The following SOX6 variants were observed in gnomAD, a reference collection of about 807,000 sequenced individuals.
SOX6 encodes SRY-box transcription factor 6.
In SOX6, 11 loss-of-function variants were observed where a neutral mutation model predicts 97.8. That is an observed-to-expected ratio of 0.11 (90% CI 0.07 to 0.19). The LOEUF is 0.19. Among genes scored for constraint, SOX6 ranks in the 10% least tolerant of loss-of-function variants. The pLI is 1.00. For missense variants in SOX6, 810 were observed against 1,039.5 expected (o/e 0.78, Z 3.04); for synonymous variants, 360 against 371.4 (o/e 0.97, Z 0.35).
intron 3 of SOX6, among the ~76,000 whole-genome samples, chr11:16,694,411 TA>T (rs1848037794): frequency 1.3e-5 from 2 of 152,098 alleles, no homozygotes; most frequent in African/African-American, 4.8e-5. Context: ...TAGCCCCAGC[TA>T]TTCAGGAGGC....
intron 1 of SOX6, among the ~76,000 whole-genome samples, chr11:16,403,464 A>G (rs745805487): frequency 2.6e-5 from 4 of 151,772 alleles, no homozygotes; most frequent in Non-Finnish European, 4.4e-5. Context: ...TAAAAGTAAC[A>G]TAAAAGGCGA....
chr11:16,639,023 C>T (rs563166322), intron 3 of SOX6, among the ~76,000 whole-genome samples: 4 of 152,118 alleles, frequency 2.6e-5, no homozygotes, highest in African/African-American at 7.2e-5. Flanking sequence ...GTATTGCCTA[C>T]GTTTTCTTCT....
chr11:16,431,048 G>C (rs1859263448), intron 1 of SOX6, among the ~76,000 whole-genome samples: 2 of 152,090 alleles, frequency 1.3e-5, no homozygotes. Flanking sequence ...CTCTATGTCA[G>C]GATACTGGTT....
At chr11:16,409,281 C>T (rs1201269625) in intron 1 of SOX6, among the ~76,000 whole-genome samples, 1 of 81,776 alleles carries the variant, frequency 1.2e-5, no homozygotes, top group African/African-American at 4.8e-5. Flanking sequence ...AGTCCCCTAA[C>T]CCCCCTCCAA....
At chr11:16,166,236 A>C (rs1033041059) in intron 6 of SOX6, among the ~76,000 whole-genome samples, 1 of 152,232 alleles carries the variant, frequency 6.6e-6, no homozygotes, top group African/African-American at 2.4e-5. Flanking sequence ...GGAATTTAAC[A>C]GCTGATTAAT....
chr11:16,251,287 G>A (rs993239901), intron 3 of SOX6, among the ~76,000 whole-genome samples: 3 of 152,012 alleles, frequency 2.0e-5, no homozygotes, highest in Non-Finnish European at 2.9e-5. Flanking sequence ...CAGTGAAATA[G>A]AAACTGTAGT....
chr11:16,037,513 G>C (rs1019084367), intron 12 of SOX6, among the ~76,000 whole-genome samples: 2 of 152,176 alleles, frequency 1.3e-5, no homozygotes, highest in East Asian at 1.9e-4. Context: ...TGGGAATGCT[G>C]CAAGAGAAGA....
At position 16,318,657 on chromosome 11, in the gene SOX6, G is replaced by A; in HGVS notation, c.238-4C>T. 1 of 1,609,254 alleles carries A rather than the reference G, an allele frequency of 6.2e-7. No individual in the cohort carries two copies. Among genetic ancestry groups the A allele is most frequent in the Non-Finnish European group, 8.5e-7 (1 of 1,176,350 alleles). On this transcript the variant is annotated splice_polypyrimidine_tract_variant and splice_region_variant and intron_variant, in intron 2 of 15. Coordinates refer to ENST00000683767, the MANE Select transcript of SOX6 (RefSeq NM_001367873.1). Reference sequence around the variant, plus strand: ...ATAACTTATTATTCTCTGATTCCTAGAAAAATAAAATAAAATAAAACCATT... The same window carrying A: ...ATAACTTATTATTCTCTGATTCCTAAAAAAATAAAATAAAATAAAACCATT...
chr11:16,062,913 G>A (rs190006685), intron 9 of SOX6, among the ~76,000 whole-genome samples: 3 of 151,766 alleles, frequency 2.0e-5, no homozygotes, highest in East Asian at 1.9e-4. Flanking sequence ...TTCTGCCAAC[G>A]AGCTAAGATC....
In SOX6 at chr11:15,979,042, CATATATATAT is replaced by C. The variant is rs57062569; in HGVS notation, c.2184-5940_2184-5931del. ...AACTGCTTATTTTATATATATTTTA[CATATATATAT>C]ATATATATATATAAAACTGCTTATT... On this transcript the variant is annotated intron_variant, in intron 15 of 15. Transcript: ENST00000683767. 4.9e-3 allele frequency among the ~76,000 whole-genome samples: 521 copies of C among 107,104 alleles called. 11 individuals are homozygous for C. The highest frequency in any genetic ancestry group is 0.018 in the African/African-American group (504 of 27,456). 70.3% of individuals were successfully genotyped at this position (107,104 alleles called of 152,430 possible).
At chr11:16,590,881 A>C (rs1398040404) in intron 4 of SOX6, among the ~76,000 whole-genome samples, 1 of 152,178 alleles carries the variant, frequency 6.6e-6, no homozygotes, top group African/African-American at 2.4e-5. Context: ...ATTTGATAGC[A>C]CAACACAGTG....
intron 13 of SOX6, among the ~76,000 whole-genome samples, chr11:15,997,408 G>T (rs1302400440): frequency 3.3e-5 from 5 of 152,214 alleles, no homozygotes; most frequent in Admixed American, 3.3e-4. Flanking sequence ...AGGTTTGAGT[G>T]TAAGTGCAAA....
chr11:16,587,127 T>C (rs144752581), intron 4 of SOX6, among the ~76,000 whole-genome samples: 142 of 152,332 alleles, frequency 9.3e-4, no homozygotes, highest in Non-Finnish European at 1.4e-3. Flanking sequence ...AAGCTCCTTA[T>C]TATCTGGTCT....
At chr11:16,259,945 ATGTG>A (rs5789946) in intron 3 of SOX6, among the ~76,000 whole-genome samples, 57 of 149,108 alleles carry the variant, frequency 3.8e-4, no homozygotes, top group Admixed American at 1.6e-3. Context: ...TGTCCCAAAT[ATGTG>A]TGTGTGTGTG....
chr11:16,540,449 T>C (rs1861387745), intron 4 of SOX6, among the ~76,000 whole-genome samples: 2 of 151,994 alleles, frequency 1.3e-5, no homozygotes, highest in African/African-American at 4.8e-5. Context: ...CTATTCAACA[T>C]AGTGTTGGAA....
At chr11:16,108,590 T>C (rs1267339663) in intron 7 of SOX6, among the ~76,000 whole-genome samples, 1 of 152,216 alleles carries the variant, frequency 6.6e-6, no homozygotes, top group Non-Finnish European at 1.5e-5. Context: ...TGGGATCTGA[T>C]GATGAGTTCC....
chr11:16,004,835 T>C (rs1397638626), intron 13 of SOX6, among the ~76,000 whole-genome samples: 1 of 152,096 alleles, frequency 6.6e-6, no homozygotes, highest in Admixed American at 6.6e-5. Flanking sequence ...GTTGATCTGA[T>C]CTTTCCTAGC....
chr11:16,029,359 C>A (rs188375526), intron 12 of SOX6, among the ~76,000 whole-genome samples: 1 of 152,106 alleles, frequency 6.6e-6, no homozygotes, highest in East Asian at 1.9e-4. Flanking sequence ...TAATGAGGGC[C>A]GGGCGTGGTG....
intron 6 of SOX6, among the ~76,000 whole-genome samples, chr11:16,181,877 C>G (rs1851357236): frequency 6.6e-6 from 1 of 151,670 alleles, no homozygotes; most frequent in Non-Finnish European, 1.5e-5. Flanking sequence ...ATTTATACTG[C>G]TAAGTTCAAG....
Sources: allele counts gnomAD v4.1 joint callset (sites outside exome capture counted in the v4.1 genomes callset), GRCh38; gene constraint gnomAD v4.1.1; transcripts MANE v1.5; gene names NCBI Gene and HGNC (gene_info 2026-07-23, HGNC 2026-07-21).